ACTL6A: variants seen among roughly 807,000 people sequenced by gnomAD.
The protein encoded by ACTL6A is actin like 6A, also known as actin-like protein 6A.
In ACTL6A, 5 loss-of-function variants were observed where a neutral mutation model predicts 59.2. That is an observed-to-expected ratio of 0.08 (90% CI 0.04 to 0.18). ACTL6A has a LOEUF of 0.18. Among genes scored for constraint, ACTL6A ranks in the 10% least tolerant of loss-of-function variants. ACTL6A has a pLI of 1.00. For missense variants in ACTL6A, 285 were observed against 526.9 expected, an observed-to-expected ratio of 0.54 and a Z score of 4.49; for synonymous variants, 154 against 171.8, an observed-to-expected ratio of 0.90 and a Z score of 0.81.
At chr3:179,577,709 C>G (rs1718210708) in intron 8 of ACTL6A, among the ~76,000 whole-genome samples, 1 of 152,050 alleles carries the variant, frequency 6.6e-6, no homozygotes, top group Non-Finnish European at 1.5e-5. Flanking sequence ...CTAGCTCTCA[C>G]TTGTAAGTGA....
At chr3:179,579,729 A>G (rs769744768) in intron 8 of ACTL6A, among the ~76,000 whole-genome samples, 11 of 152,242 alleles carry the variant, frequency 7.2e-5, no homozygotes, top group Non-Finnish European at 1.3e-4. Flanking sequence ...TGGAGGTTGC[A>G]TTGAGCCAAG....
At chr3:179,583,577 C>T (rs1718398272) in intron 12 of ACTL6A, 129 bp downstream of exon 12, 1 of 637,826 alleles carries the variant, frequency 1.6e-6, no homozygotes, top group African/African-American at 1.8e-5. Context: ...TATAGTATCA[C>T]TAAAGTTAAT....
rs2108360189 is a variant in ACTL6A at position 179,573,468 on chromosome 3, C to T, written c.377C>T (p.Pro126Leu). The T allele has an allele frequency of 6.5e-7, 1 of 1,535,150 alleles. No homozygotes were observed. Among genetic ancestry groups the T allele is most frequent in the Non-Finnish European group, 8.7e-7 (1 of 1,149,820 alleles). The change falls in exon 4 of 14, where the codon CCG (proline) becomes CTG (leucine). Residue 126 changes from proline (P) to leucine (L), a missense_variant and splice_region_variant. Pro to Leu is a moderately conservative substitution (Grantham distance 98, BLOSUM62 -3). Transcript: ENST00000429709. The stretch of plus-strand genomic sequence containing the variant: ...CATCCTGTTCTCATGTCAGAGGCAC[C>T]GGTGAGATAAAGATTTTCTTTTTCA... ...SLHPVLMSEA[P>L]WNTRAKREKL...
intron 8 of ACTL6A, among the ~76,000 whole-genome samples, chr3:179,579,848 T>C (rs1288293718): frequency 6.6e-6 from 1 of 152,144 alleles, no homozygotes; most frequent in Non-Finnish European, 1.5e-5. Context: ...AGTGGTGCAG[T>C]TGTAGTTCAC....
rs552658502 is a variant in ACTL6A, at chr3:179,566,455, C to T, written c.25+3338C>T. Among the ~76,000 whole-genome samples the T allele has an allele frequency of 2.0e-5, 3 of 152,280 alleles. No individual in the cohort carries two copies. The South Asian group carries it at 6.2e-4, about 32-fold the overall frequency. On this transcript the variant is annotated intron_variant, in intron 1 of 13. Transcript: ENST00000429709. ...CATTCTAAGAAGGGATTCATAATTT[C>T]CTAAACTGTATTAGTTTGTAGGGCT... is the stretch of plus-strand genomic sequence containing the variant.
rs367785505 is a variant in ACTL6A, at chr3:179,581,243, G to A, written c.1026+23G>A. 3.4e-5 allele frequency: 54 copies of A among 1,583,458 alleles called. No homozygotes were observed. In the African/African-American group the frequency reaches 3.8e-4, roughly 11 times the overall value. On this transcript the variant is annotated intron_variant, in intron 11 of 13. Coordinates refer to ENST00000429709, the MANE Select transcript of ACTL6A (RefSeq NM_004301.5). ...CCAGTAAGTGCCAGTCTCCTGTTAC[G>A]GTTTAAAGGTATCTTTTAGGGGACT...
chr3:179,569,802 T>A, intron 1 of ACTL6A, 22 bp from the exon 2 acceptor site: 1 of 1,608,160 alleles, frequency 6.2e-7, no homozygotes, highest in Non-Finnish European at 8.5e-7. Flanking sequence ...CTGTTAATGC[T>A]AATTATCTTT....
chr3:179,563,530 T>C (rs1254527682), intron 1 of ACTL6A, among the ~76,000 whole-genome samples: 9 of 152,178 alleles, frequency 5.9e-5, no homozygotes, highest in Non-Finnish European at 1.2e-4. Context: ...CGCCTAAACT[T>C]GGAAGGTCCC....
chr3:179,586,729 C>G, intron 13 of ACTL6A, 97 bp downstream of exon 13: 2 of 991,110 alleles, frequency 2.0e-6, no homozygotes, highest in East Asian at 5.8e-5. Context: ...TTTGTCTGTG[C>G]ATTTTATAAC....
intron 1 of ACTL6A, among the ~76,000 whole-genome samples, chr3:179,569,306 A>C (rs1246647975): frequency 6.6e-6 from 1 of 152,170 alleles, no homozygotes; most frequent in Non-Finnish European, 1.5e-5. Flanking sequence ...ATGGCAATGG[A>C]TCCATTATTA....
intron 6 of ACTL6A, 54 bp downstream of exon 6, chr3:179,576,365 C>T (rs902040600): frequency 3.0e-6 from 4 of 1,317,222 alleles, no homozygotes; most frequent in Middle Eastern, 1.9e-4. Flanking sequence ...CATGAGGATG[C>T]ACATAATGAA....
chr3:179,563,016 C>T lies in ACTL6A; in HGVS notation c.-77C>T. 1.3e-6 allele frequency: 2 copies of T among 1,578,858 alleles called. No individual in the cohort carries two copies. Among genetic ancestry groups the T allele is most frequent in the Non-Finnish European group, 1.7e-6 (2 of 1,164,030 alleles). ...TTAAGGGAGTCAGGGGCTATCGCTC[C>T]TCGAGACTCGCAGTCGCGGCCACTG... On this transcript the variant is annotated 5_prime_UTR_variant, in exon 1 of 14. Coordinates refer to ENST00000429709, the MANE Select transcript of ACTL6A (RefSeq NM_004301.5).
intron 11 of ACTL6A, among the ~76,000 whole-genome samples, chr3:179,581,758 TACTA>T (rs765692219): frequency 8.5e-5 from 13 of 152,338 alleles, no homozygotes; most frequent in Non-Finnish European, 1.6e-4. Flanking sequence ...AGGTTTTAAA[TACTA>T]ACTCCATATT....
intron 1 of ACTL6A, among the ~76,000 whole-genome samples, chr3:179,566,678 TTTGTTG>T (rs376454101): frequency 1.3e-4 from 20 of 151,892 alleles, no homozygotes; most frequent in African/African-American, 3.4e-4. Context: ...ATTTTCTCTT[TTTGTTG>T]TTGTTGTTGT....
intron 1 of ACTL6A, among the ~76,000 whole-genome samples, chr3:179,568,170 G>A (rs1250264928): frequency 2.2e-5 from 3 of 135,604 alleles, no homozygotes; most frequent in Admixed American, 7.5e-5. Context: ...GCAAGACTCC[G>A]TGTCAAAAAA....
intron 4 of ACTL6A, 124 bp from the exon 5 acceptor site, chr3:179,574,246 C>T: frequency 4.2e-6 from 2 of 481,588 alleles, no homozygotes; most frequent in South Asian, 4.4e-5. Flanking sequence ...AGATGATTTC[C>T]CATGGTATTT....
At chr3:179,571,548 T>C (rs1243984651) in intron 3 of ACTL6A, among the ~76,000 whole-genome samples, 1 of 152,174 alleles carries the variant, frequency 6.6e-6, no homozygotes, top group Non-Finnish European at 1.5e-5. Flanking sequence ...CTAAGATTTA[T>C]TGTACTGAAG....
chr3:179,569,949 A>T (rs139340441), intron 2 of ACTL6A, 49 bp downstream of exon 2: 130 of 1,586,974 alleles, frequency 8.2e-5, no homozygotes, highest in Non-Finnish European at 1.7e-6. Context: ...ATTCATGTAA[A>T]TTAAATTTAT....
chr3:179,587,008 T>C (rs564608256), intron 13 of ACTL6A, among the ~76,000 whole-genome samples: 1 of 152,288 alleles, frequency 6.6e-6, no homozygotes, highest in South Asian at 2.1e-4. Flanking sequence ...CAGTGAGGTC[T>C]AGGAAGTCAG....
Sources: gnomAD v4.1 joint callset for allele counts (sites outside exome capture counted in the v4.1 genomes callset) on GRCh38, gnomAD v4.1.1 for gene constraint, MANE v1.5 for transcripts, NCBI Gene and HGNC (gene_info 2026-07-23, HGNC 2026-07-21) for gene names.